The following STK39 variants were observed in gnomAD, a reference collection of about 807,000 sequenced individuals.
The protein encoded by STK39 is serine/threonine kinase 39, also known as STE20/SPS1-related proline-alanine-rich protein kinase.
STK39 carries 20 observed loss-of-function variants against 77.8 expected under a neutral mutation model. The observed-to-expected ratio is 0.26, with a 90% CI of 0.18 to 0.37. The LOEUF is 0.37. STK39 is among the 10% of genes least tolerant of loss of function. STK39 has a pLI of 1.00. For synonymous variants in STK39, 246 were observed against 234.1 expected (o/e 1.05, Z -0.47); for missense variants, 479 against 656.5 (o/e 0.73, Z 2.95).
intron 8 of STK39, among the ~76,000 whole-genome samples, chr2:168,131,332 T>A (rs1360180782): frequency 6.6e-6 from 1 of 152,280 alleles, no homozygotes; most frequent in East Asian, 1.9e-4. Flanking sequence ...TTGAATATCA[T>A]TAGGTATTAT....
At chr2:168,061,865 A>G (rs1685673245) in intron 14 of STK39, among the ~76,000 whole-genome samples, 1 of 152,202 alleles carries the variant, frequency 6.6e-6, no homozygotes, top group Non-Finnish European at 1.5e-5. Context: ...AAGGTTCAGT[A>G]GTACGTGTTT....
At chr2:168,045,075 A>T (rs1278396475) in intron 14 of STK39, among the ~76,000 whole-genome samples, 1 of 152,140 alleles carries the variant, frequency 6.6e-6, no homozygotes, top group Non-Finnish European at 1.5e-5. Context: ...AAACAAAAAA[A>T]CCAAAAAAAA....
chr2:168,119,928 T>C (rs1687361245), intron 10 of STK39, among the ~76,000 whole-genome samples: 1 of 152,198 alleles, frequency 6.6e-6, no homozygotes, highest in Non-Finnish European at 1.5e-5. Context: ...ATACTGGCTT[T>C]GGACTGTTAG....
intron 16 of STK39, among the ~76,000 whole-genome samples, chr2:167,991,911 G>A (rs951294278): frequency 9.8e-5 from 15 of 152,304 alleles, no homozygotes; most frequent in African/African-American, 3.1e-4. Context: ...GAGTTATCAG[G>A]AAGACAGGAA....
intron 10 of STK39, among the ~76,000 whole-genome samples, chr2:168,077,035 T>C (rs1197109860): frequency 3.3e-5 from 5 of 152,124 alleles, no homozygotes; most frequent in Admixed American, 2.6e-4. Context: ...GGTAGCAACA[T>C]AGAGAAACAT....
intron 1 of STK39, among the ~76,000 whole-genome samples, chr2:168,208,744 A>C (rs141127985): frequency 6.6e-6 from 1 of 152,360 alleles, no homozygotes; most frequent in East Asian, 1.9e-4. Context: ...AATGTGAGCA[A>C]TGATGAGCAC....
chr2:167,992,270 ATTG>A (rs1230694609), intron 16 of STK39, among the ~76,000 whole-genome samples: 2 of 152,142 alleles, frequency 1.3e-5, no homozygotes, highest in African/African-American at 2.4e-5. Flanking sequence ...CCACTTGTCA[ATTG>A]TTGTCAGATA....
At chr2:168,242,544 T>C (rs1443624651) in intron 1 of STK39, among the ~76,000 whole-genome samples, 4 of 21,230 alleles carry the variant, frequency 1.9e-4, no homozygotes, top group Non-Finnish European at 2.9e-4. Flanking sequence ...GCAAGACTCT[T>C]ACAAAAAAAA....
intron 12 of STK39, among the ~76,000 whole-genome samples, chr2:168,067,553 T>C (rs1374738068): frequency 1.3e-5 from 2 of 149,432 alleles, no homozygotes; most frequent in South Asian, 4.3e-4. Flanking sequence ...ATTATATCTC[T>C]TTTTTTTTTC....
chr2:168,228,795 AAATT>A (rs144793156), intron 1 of STK39, among the ~76,000 whole-genome samples: 1,628 of 152,128 alleles, frequency 0.011, 37 homozygotes, highest in East Asian at 0.078. Context: ...TCAAATAAAT[AAATT>A]AATTAAATAA....
intron 14 of STK39, among the ~76,000 whole-genome samples, chr2:168,035,053 G>A (rs1270834636): frequency 6.6e-6 from 1 of 152,184 alleles, no homozygotes; most frequent in Non-Finnish European, 1.5e-5. Flanking sequence ...GTATTTGAAA[G>A]ACTTGGAACC....
chr2:168,121,341 A>G (rs1221478612), intron 10 of STK39, among the ~76,000 whole-genome samples: 1 of 152,196 alleles, frequency 6.6e-6, no homozygotes, highest in African/African-American at 2.4e-5. Context: ...GCATAAATGA[A>G]AGTGATCTGA....
intron 8 of STK39, among the ~76,000 whole-genome samples, chr2:168,135,703 A>G (rs541209632): frequency 2.6e-5 from 4 of 152,270 alleles, no homozygotes; most frequent in Non-Finnish European, 5.9e-5. Flanking sequence ...GCTTTTTTCC[A>G]TTCTTACATT....
intron 1 of STK39, among the ~76,000 whole-genome samples, chr2:168,184,293 A>G (rs1689154196): frequency 6.6e-6 from 1 of 152,236 alleles, no homozygotes; most frequent in East Asian, 1.9e-4. Flanking sequence ...TTACAGCTAG[A>G]GAATTGTTAC....
At chr2:168,180,414 C>A (rs1299479338) in intron 2 of STK39, among the ~76,000 whole-genome samples, 1 of 151,384 alleles carries the variant, frequency 6.6e-6, no homozygotes, top group Non-Finnish European at 1.5e-5. Context: ...CCAAACAGTA[C>A]ATATATTTAA....
intron 2 of STK39, among the ~76,000 whole-genome samples, 172 bp downstream of exon 2, chr2:168,181,806 C>G (rs1019106232): frequency 1.5e-4 from 23 of 152,192 alleles, no homozygotes; most frequent in Non-Finnish European, 3.1e-4. Context: ...TTATACAACA[C>G]AATCATAAGG....
chr2:168,152,163 C>G (rs943745274), intron 5 of STK39, among the ~76,000 whole-genome samples: 2 of 152,272 alleles, frequency 1.3e-5, no homozygotes, highest in Admixed American at 6.5e-5. Context: ...GGTCAACTTT[C>G]TATTAAATAA....
At chr2:168,157,563 CCTT>C (rs1466501209) in intron 5 of STK39, among the ~76,000 whole-genome samples, 1 of 152,104 alleles carries the variant, frequency 6.6e-6, no homozygotes, top group African/African-American at 2.4e-5. Context: ...TAAGGACCCG[CCTT>C]CTTGTTTATA....
chr2:168,239,655 G>A (rs1398721577), intron 1 of STK39, among the ~76,000 whole-genome samples: 1 of 152,232 alleles, frequency 6.6e-6, no homozygotes, highest in Non-Finnish European at 1.5e-5. Context: ...ACAAGGTGAG[G>A]AAGGAGTATT....
Sources: allele counts gnomAD v4.1 joint callset (sites outside exome capture counted in the v4.1 genomes callset), GRCh38; gene constraint gnomAD v4.1.1; transcripts MANE v1.5; gene names NCBI Gene and HGNC (gene_info 2026-07-23, HGNC 2026-07-21).